Variants in SNX30 observed in about 807,000 individuals in gnomAD.
The protein encoded by SNX30 is sorting nexin family member 30, also known as sorting nexin-30.
Under a neutral mutation model 46.4 loss-of-function variants are expected in SNX30, and 24 were observed. The observed-to-expected ratio is 0.52, with a 90% CI of 0.37 to 0.73. SNX30 has a LOEUF of 0.73. Among genes scored for constraint, SNX30 ranks in the 30% least tolerant of loss-of-function variants. The pLI, the probability that SNX30 is intolerant of heterozygous loss-of-function variation, is 0.00. For missense variants in SNX30, 533 were observed against 555.7 expected (o/e 0.96, Z 0.41); for synonymous variants, 189 against 211.5 (o/e 0.89, Z 0.92).
intron 2 of SNX30, among the ~76,000 whole-genome samples, chr9:112,815,385 G>T (rs1374302722): frequency 6.7e-6 from 1 of 150,010 alleles, no homozygotes; most frequent in African/African-American, 2.5e-5. Flanking sequence ...TTGAGACAGG[G>T]TCTCTTGCTC....
At chr9:112,755,973 C>T (rs920158946) in intron 1 of SNX30, among the ~76,000 whole-genome samples, 4 of 152,100 alleles carry the variant, frequency 2.6e-5, no homozygotes, top group African/African-American at 9.7e-5. Context: ...TCTGATTGCG[C>T]AGACTTGAAT....
At chr9:112,881,665 C>T (rs1034602643) in exon 6 of SNX30, 1 of 152,214 alleles carries the variant, frequency 6.6e-6, no homozygotes, top group Middle Eastern at 3.2e-3. Context: ...TAAACGAATT[C>T]TTTTTGACTG....
chr9:112,861,368 T>G (rs375310206), intron 7 of SNX30, among the ~76,000 whole-genome samples: 2 of 152,214 alleles, frequency 1.3e-5, no homozygotes, highest in African/African-American at 4.8e-5. Context: ...ATTAGGACGC[T>G]GTAAAGCACT....
intron 5 of SNX30, among the ~76,000 whole-genome samples, chr9:112,837,416 A>G (rs1377322621): frequency 6.6e-6 from 1 of 151,986 alleles, no homozygotes; most frequent in Non-Finnish European, 1.5e-5. Context: ...TCTTGTATCA[A>G]AATGTTTCCT....
chr9:112,766,389 T>C (rs1961695), intron 1 of SNX30, among the ~76,000 whole-genome samples: 87,960 of 151,942 alleles, frequency 0.58, 25,694 homozygotes, highest in South Asian at 0.73. Context: ...TTAAATACAA[T>C]TTATGACTTT....
At chr9:112,769,226 C>T (rs1008359278) in intron 1 of SNX30, among the ~76,000 whole-genome samples, 2 of 152,208 alleles carry the variant, frequency 1.3e-5, no homozygotes, top group African/African-American at 4.8e-5. Context: ...AGGGAGAAGG[C>T]TTTCTTTCCT....
rs192049135 is a variant in SNX30 at position 112,814,158 on chromosome 9, G to T, written c.349-3547G>T. On this transcript the variant is annotated intron_variant, in intron 2 of 8. Transcript: ENST00000374232. ...AAAACAATGGAAAGATTCTGTATCA[G>T]ACAAACCATTTGGAAATTATGATAG... Among the ~76,000 whole-genome samples the T allele has an allele frequency of 2.6e-3, 400 of 152,322 alleles. 1 individual carries two copies. Among genetic ancestry groups the T allele is most frequent in the Non-Finnish European group, 4.9e-3 (335 of 68,016 alleles).
At chr9:112,775,155 T>C (rs1475953437) in intron 1 of SNX30, among the ~76,000 whole-genome samples, 3 of 101,630 alleles carry the variant, frequency 3.0e-5, no homozygotes, top group Non-Finnish European at 6.0e-5. Context: ...TTTTTCTTTC[T>C]TTTTTTTTTT....
At chr9:112,845,293 A>G (rs1840922460) in intron 6 of SNX30, among the ~76,000 whole-genome samples, 1 of 152,204 alleles carries the variant, frequency 6.6e-6, no homozygotes, top group African/African-American at 2.4e-5. Context: ...TAAATGACTC[A>G]AGCTGATTTT....
chr9:112,863,420 G>A (rs755735855), intron 7 of SNX30, among the ~76,000 whole-genome samples: 30 of 152,236 alleles, frequency 2.0e-4, no homozygotes, highest in Non-Finnish European at 4.1e-4. Context: ...TTTGGGAAGC[G>A]CTGCAGCCAC....
In SNX30 at chr9:112,792,761, A is replaced by G. The variant is rs569432920; in HGVS notation, c.157-12015A>G. ...TTTTCTATATTGTTCAGATTTCCTA[A>G]GTTTTAGTTTATCTGATTCATCTTT... is the stretch of plus-strand genomic sequence containing the variant. On this transcript the variant is annotated intron_variant, in intron 1 of 8. Coordinates refer to ENST00000374232, the MANE Select transcript of SNX30 (RefSeq NM_001012994.2). Among the ~76,000 whole-genome samples the G allele has an allele frequency of 2.6e-3, 403 of 152,148 alleles. 3 individuals carry two copies. Among genetic ancestry groups the G allele is most frequent in the Admixed American group, 5.9e-3 (90 of 15,286 alleles).
chr9:112,832,465 T>A (rs796198431), intron 4 of SNX30, among the ~76,000 whole-genome samples: 728 of 70,512 alleles, frequency 0.01, 3 homozygotes, highest in African/African-American at 0.027. Flanking sequence ...AGAGAGTGTG[T>A]GTGTGTGTGT....
intron 1 of SNX30, among the ~76,000 whole-genome samples, chr9:112,762,790 A>G (rs867441911): frequency 3.3e-5 from 5 of 152,230 alleles, no homozygotes; most frequent in African/African-American, 1.2e-4. Flanking sequence ...GAAGGCAATC[A>G]GCAGAGGCGA....
intron 7 of SNX30, among the ~76,000 whole-genome samples, chr9:112,858,929 T>A (rs375639567): frequency 6.6e-5 from 10 of 152,214 alleles, no homozygotes; most frequent in Admixed American, 1.3e-4. Context: ...AACAAGATTA[T>A]ACTGTGGTAA....
chr9:112,862,328 G>A (rs1330342776), intron 7 of SNX30, among the ~76,000 whole-genome samples: 1 of 152,192 alleles, frequency 6.6e-6, no homozygotes, highest in Non-Finnish European at 1.5e-5. Flanking sequence ...GTTTCGTTAA[G>A]CAAACAGGAA....
intron 1 of SNX30, among the ~76,000 whole-genome samples, chr9:112,757,546 T>A (rs931333638): frequency 1.3e-4 from 20 of 152,206 alleles, no homozygotes; most frequent in Non-Finnish European, 2.9e-4. Flanking sequence ...CATATGGTGG[T>A]TCTATTTTTA....
chr9:112,847,351 C>T (rs1291623679), intron 6 of SNX30, among the ~76,000 whole-genome samples: 2 of 152,186 alleles, frequency 1.3e-5, no homozygotes, highest in African/African-American at 4.8e-5. Context: ...CACGCTGCTC[C>T]CAACTCCCAC....
rs1840198247 is a variant in SNX30, at chr9:112,804,789, C to G, written c.170C>G (p.Pro57Arg). The G allele has an allele frequency of 1.2e-6, 2 of 1,606,916 alleles. No individual in the cohort carries two copies. The highest frequency in any genetic ancestry group is 1.7e-6 in the Non-Finnish European group (2 of 1,176,348). The change falls in exon 2 of 9, where the codon CCC becomes CGC. Residue 57 changes from proline (P) to arginine (R), a missense_variant. Physicochemically the swap from Pro to Arg is moderately radical, Grantham distance 103. Around this residue, in one of 3 missense-constraint regions of SNX30, gnomAD observed 191 missense variants for 160.3 expected, o/e 1.19. Coordinates refer to ENST00000374232, the MANE Select transcript of SNX30 (RefSeq NM_001012994.2). ...RSFGDKDLIL[P>R]NGGTPAGTSS... ...TTCTTCTTTTAGGATCTCATTTTGC[C>G]CAACGGTGGTACTCCAGCAGGTACT...
At chr9:112,791,658 C>G (rs1194957130) in intron 1 of SNX30, among the ~76,000 whole-genome samples, 1 of 152,024 alleles carries the variant, frequency 6.6e-6, no homozygotes, top group Admixed American at 6.6e-5. Flanking sequence ...ATCCACCCGC[C>G]TTGGCCTCTC....
Sources: allele counts gnomAD v4.1 joint callset (sites outside exome capture counted in the v4.1 genomes callset), GRCh38; gene constraint gnomAD v4.1.1; regional missense constraint gnomAD v4.1.1; transcripts MANE v1.5; gene names NCBI Gene and HGNC (gene_info 2026-07-23, HGNC 2026-07-21).